The following FILIP1 variants were observed in gnomAD, a reference collection of about 807,000 sequenced individuals.
FILIP1 encodes filamin-A-interacting protein 1.
In FILIP1, 61 loss-of-function variants were observed where a neutral mutation model predicts 102.1. That is an observed-to-expected ratio of 0.60 (90% CI 0.49 to 0.74). The LOEUF (loss-of-function observed/expected upper bound fraction) is 0.74. Ranked by LOEUF, FILIP1 falls within the 30% of genes least tolerant of loss-of-function variation. FILIP1 has a pLI of 0.00. For missense variants in FILIP1, 1,314 were observed against 1,441.2 expected, an observed-to-expected ratio of 0.91 and a Z score of 1.43; for synonymous variants, 491 against 526.9, an observed-to-expected ratio of 0.93 and a Z score of 0.93.
At chr6:75,467,581 G>C (rs1280210634) in intron 1 of FILIP1, among the ~76,000 whole-genome samples, 5 of 152,158 alleles carry the variant, frequency 3.3e-5, no homozygotes, top group African/African-American at 1.2e-4. Flanking sequence ...TCCTCCCAAG[G>C]TTTTGAAGAT....
intron 6 of FILIP1, among the ~76,000 whole-genome samples, chr6:75,299,181 T>G (rs770461906): frequency 6.6e-6 from 1 of 152,134 alleles, no homozygotes; most frequent in Non-Finnish European, 1.5e-5. Flanking sequence ...TGAGCAAATT[T>G]TATTCCATCT....
At chr6:75,444,586 C>A (rs754817691) in intron 1 of FILIP1, among the ~76,000 whole-genome samples, 5 of 151,986 alleles carry the variant, frequency 3.3e-5, no homozygotes, top group Non-Finnish European at 7.4e-5. Context: ...TTTTAGGTGT[C>A]CCCTACCATC....
At chr6:75,342,978 C>T (rs1285153052) in intron 4 of FILIP1, among the ~76,000 whole-genome samples, 2 of 152,114 alleles carry the variant, frequency 1.3e-5, no homozygotes, top group Non-Finnish European at 2.9e-5. Flanking sequence ...CTAAATTGTG[C>T]CCCCCAAAAT....
intron 1 of FILIP1, among the ~76,000 whole-genome samples, chr6:75,452,622 G>T (rs1778672699): frequency 2.0e-5 from 3 of 152,120 alleles, no homozygotes. Context: ...ATAAGTTATG[G>T]TTTATTCACG....
chr6:75,379,716 C>T (rs1377811191), intron 2 of FILIP1, among the ~76,000 whole-genome samples: 8 of 152,212 alleles, frequency 5.3e-5, no homozygotes, highest in Non-Finnish European at 7.3e-5. Flanking sequence ...ACGCTTTCCC[C>T]TAAGGCCTCT....
chr6:75,477,420 T>C (rs1779509098), intron 1 of FILIP1, among the ~76,000 whole-genome samples: 1 of 152,062 alleles, frequency 6.6e-6, no homozygotes, highest in Admixed American at 6.6e-5. Context: ...AGAGAGTAAA[T>C]TTCAAATGTC....
At chr6:75,335,208 A>G (rs955294476) in intron 4 of FILIP1, among the ~76,000 whole-genome samples, 1 of 152,186 alleles carries the variant, frequency 6.6e-6, no homozygotes, top group Admixed American at 6.6e-5. Context: ...GGTACATGGT[A>G]TCTAAATGAA....
intron 2 of FILIP1, among the ~76,000 whole-genome samples, chr6:75,369,878 G>A (rs1173745820): frequency 6.6e-6 from 1 of 152,210 alleles, no homozygotes; most frequent in Admixed American, 6.5e-5. Flanking sequence ...ACTCTTAGAC[G>A]ATGTAACCAT....
chr6:75,446,001 T>C (rs1778433909), intron 1 of FILIP1, among the ~76,000 whole-genome samples: 1 of 152,136 alleles, frequency 6.6e-6, no homozygotes, highest in African/African-American at 2.4e-5. Context: ...AGCATCACCA[T>C]GGCATAGACT....
chr6:75,314,830 C>T lies in FILIP1; in HGVS notation c.1002G>A (p.Lys334=), dbSNP rs889571226. Residue 334 remains lysine (K), a synonymous_variant, in exon 5 of 6, where the codon AAG becomes AAA. Coordinates refer to ENST00000237172, the MANE Select transcript of FILIP1 (RefSeq NM_015687.5). The part of the protein sequence containing the change: ...QESHNRQLRL[K]LVGLTQRIEE... ...CGATTCTTTGGGTTAAGCCAACCAG[C>T]TTGAGTCTAAGTTGCCTATTGTGAG... is the stretch of plus-strand genomic sequence containing the variant. The T allele has an allele frequency of 9.3e-6, 15 of 1,613,974 alleles. No individual in the cohort carries two copies. Among genetic ancestry groups the T allele is most frequent in the Non-Finnish European group, 1.0e-5 (12 of 1,180,032 alleles).
intron 6 of FILIP1, among the ~76,000 whole-genome samples, chr6:75,296,147 T>A (rs1443556481): frequency 1.3e-5 from 2 of 152,186 alleles, no homozygotes; most frequent in African/African-American, 4.8e-5. Context: ...CGAAATTTCT[T>A]AAAGCCCTTT....
chr6:75,437,037 C>A (rs1213556842), intron 1 of FILIP1, among the ~76,000 whole-genome samples: 2 of 152,122 alleles, frequency 1.3e-5, no homozygotes, highest in East Asian at 3.8e-4. Flanking sequence ...GCCTCAACTC[C>A]CCGCTCTCAC....
chr6:75,295,852 C>A, exon 7 of FILIP1: 1 of 1,165,534 alleles, frequency 8.6e-7, no homozygotes. Flanking sequence ...TGAGGGCTGT[C>A]CATTCAATAG....
intron 1 of FILIP1, among the ~76,000 whole-genome samples, chr6:75,489,577 C>T (rs1400803202): frequency 6.6e-6 from 1 of 151,842 alleles, no homozygotes; most frequent in Non-Finnish European, 1.5e-5. Context: ...TTCAAAAAAA[C>T]TTCATAAGGA....
intron 1 of FILIP1, among the ~76,000 whole-genome samples, chr6:75,492,971 A>G (rs1245389631): frequency 6.6e-6 from 1 of 152,220 alleles, no homozygotes; most frequent in South Asian, 2.1e-4. Context: ...GTACAGCAAT[A>G]CAAACACCAT....
chr6:75,391,252 A>G (rs958871568), intron 2 of FILIP1, among the ~76,000 whole-genome samples: 5 of 152,060 alleles, frequency 3.3e-5, no homozygotes, highest in African/African-American at 1.2e-4. Context: ...ATTCTCTCAC[A>G]TGATTGTACT....
At chr6:75,365,583 C>T (rs1179061087) in intron 2 of FILIP1, among the ~76,000 whole-genome samples, 12 of 152,126 alleles carry the variant, frequency 7.9e-5, no homozygotes, top group African/African-American at 2.7e-4. Flanking sequence ...GACAGGGTTT[C>T]GCCATGTTGG....
At chr6:75,480,894 A>G (rs191035186) in intron 1 of FILIP1, among the ~76,000 whole-genome samples, 7 of 152,338 alleles carry the variant, frequency 4.6e-5, no homozygotes, top group Admixed American at 3.3e-4. Flanking sequence ...AATTTTTTAA[A>G]ACATTAAAAT....
At chr6:75,376,362 T>C (rs1039443744) in intron 2 of FILIP1, among the ~76,000 whole-genome samples, 2 of 152,146 alleles carry the variant, frequency 1.3e-5, no homozygotes, top group African/African-American at 4.8e-5. Context: ...AAAATGGGCA[T>C]AGCAATAGCT....
Sources: gnomAD v4.1 joint callset for allele counts (sites outside exome capture counted in the v4.1 genomes callset) on GRCh38, gnomAD v4.1.1 for gene constraint, MANE v1.5 for transcripts, NCBI Gene and HGNC (gene_info 2026-07-23, HGNC 2026-07-21) for gene names.